POTEF: variants seen among roughly 807,000 people sequenced by gnomAD.
POTEF encodes the protein ANKRD26-like family C member 1B.
A neutral mutation model predicts 83.2 loss-of-function variants in POTEF; 20 were observed. That is an observed-to-expected ratio of 0.24 (90% CI 0.17 to 0.35). The LOEUF is 0.35. Ranked by LOEUF, POTEF falls within the 10% of genes least tolerant of loss-of-function variation. POTEF has a pLI of 1.00. For synonymous variants in POTEF, 196 were observed against 446.4 expected (o/e 0.44, Z 7.07); for missense variants, 550 against 1,203.2 (o/e 0.46, Z 8.03).
In POTEF at chr2:130,108,290, C is replaced by T. The variant is rs540168043; in HGVS notation, c.1056-211G>A. Among the ~76,000 whole-genome samples, 49 of 151,184 alleles carry T rather than the reference C, an allele frequency of 3.2e-4. No individual in the cohort carries two copies. The South Asian group carries it at 3.7e-3, about 12-fold the overall frequency. On this transcript the variant is annotated intron_variant, in intron 7 of 16. Transcript: ENST00000409914. The stretch of plus-strand genomic sequence containing the variant: ...AATGTAAGGTGAAATAGTCATAAAT[C>T]GAGGGCACTGTGACCCAGTAAATTA...
chr2:130,112,086 G>A lies in POTEF; in HGVS notation c.826C>T (p.Leu276=). 11 of 1,494,000 alleles carry A rather than the reference G, an allele frequency of 7.4e-6. No homozygotes were observed. Among genetic ancestry groups the A allele is most frequent in the Non-Finnish European group, 9.8e-6 (11 of 1,124,898 alleles). The allele number at this position is 1,494,000 out of a possible 1,614,324, so 92.5% of individuals were successfully genotyped here. The change falls in exon 6 of 17, where the codon CTG becomes TTG. Residue 276 remains leucine, a synonymous_variant. Transcript: ENST00000409914. ...TTTTGCTCATGTACACCAAGTAACA[G>A]TGGTGTGAGGCCATGCTGTAAAACA... ...ESKNKHGLTP[L]LLGVHEQKQQ...
Position 130,120,258 on chromosome 2 carries a change from G to C in POTEF, c.258C>G (p.His86Gln), listed in dbSNP as rs575065105. 1 of 1,595,294 alleles carries C rather than the reference G, an allele frequency of 6.3e-7. No individual in the cohort carries two copies. Among genetic ancestry groups the C allele is most frequent in the Admixed American group, 1.8e-5 (1 of 55,962 alleles). ...GKSNVGASGD[H>Q]DDSAMKTLRN... ...TGAGTGTCTTCATAGCAGAGTCGTC[G>C]TGGTCTCCAGAAGCGCCCACGTTGC... Residue 86 changes from histidine to glutamine, a missense_variant, in exon 3 of 17, where the codon CAC becomes CAG. By Grantham distance (24) the His-to-Gln change is conservative. Coordinates refer to ENST00000409914, the MANE Select transcript of POTEF (RefSeq NM_001099771.2).
At chr2:130,104,049 A>C (rs1346972624) in intron 8 of POTEF, among the ~76,000 whole-genome samples, 1 of 148,238 alleles carries the variant, frequency 6.7e-6, no homozygotes, top group Non-Finnish European at 1.5e-5. Flanking sequence ...ATCACTTTAA[A>C]TGCCAAAACC....
chr2:130,127,353 CCACA>C (rs1268256719), intron 2 of POTEF, among the ~76,000 whole-genome samples: 5 of 88,528 alleles, frequency 5.6e-5, no homozygotes, highest in South Asian at 6.8e-4. Flanking sequence ...AAAAAAAAAG[CCACA>C]CACACACACA....
intron 3 of POTEF, among the ~76,000 whole-genome samples, chr2:130,118,592 T>C (rs868310529): frequency 8.7e-5 from 13 of 149,244 alleles, no homozygotes; most frequent in Middle Eastern, 3.4e-3. Context: ...AGCTACTCAG[T>C]AGGCTGAAGC....
At chr2:130,108,784 G>A (rs1248291385) in intron 7 of POTEF, among the ~76,000 whole-genome samples, 9 of 147,892 alleles carry the variant, frequency 6.1e-5, no homozygotes, top group African/African-American at 2.0e-4. Context: ...CCACTATTAC[G>A]GAGTTGATCA....
At chr2:130,109,888 A>G (rs1684660423) in intron 7 of POTEF, 1 of 151,656 alleles carries the variant, frequency 6.6e-6, no homozygotes, top group Non-Finnish European at 1.5e-5. Context: ...TGCTCTGGGA[A>G]CAATGGCTGA....
At chr2:130,117,706 T>C (rs559729674) in intron 3 of POTEF, among the ~76,000 whole-genome samples, 2 of 152,022 alleles carry the variant, frequency 1.3e-5, no homozygotes, top group African/African-American at 2.4e-5. Flanking sequence ...TGGGTTCTTC[T>C]AAATACACTG....
In POTEF at chr2:130,103,472, G is replaced by A. The variant is rs533626847; in HGVS notation, c.1127-1292C>T. ...TGCATGTCTTTCCCCAGATAAACAG[G>A]TACCTCCTTCCTTGAGGCTGCCTTA... On this transcript the variant is annotated intron_variant, in intron 8 of 16. Coordinates refer to ENST00000409914, the MANE Select transcript of POTEF (RefSeq NM_001099771.2). Among the ~76,000 whole-genome samples the A allele has an allele frequency of 3.3e-3, 476 of 145,512 alleles. 20 individuals carry two copies. The highest frequency in any genetic ancestry group is 0.012 in the African/African-American group (446 of 37,974).
intron 12 of POTEF, among the ~76,000 whole-genome samples, chr2:130,093,074 G>A (rs1160152526): frequency 6.9e-6 from 1 of 144,884 alleles, no homozygotes; most frequent in East Asian, 2.0e-4. Flanking sequence ...ACTCATAGGA[G>A]CATGAACCCT....
At chr2:130,094,952 T>G (rs1461854523) in intron 11 of POTEF, among the ~76,000 whole-genome samples, 2 of 150,466 alleles carry the variant, frequency 1.3e-5, no homozygotes, top group African/African-American at 4.9e-5. Context: ...TGTAGCTTAT[T>G]ACAAAGAGCC....
At chr2:130,114,715 G>C (rs1684797473) in intron 5 of POTEF, among the ~76,000 whole-genome samples, 166 bp downstream of exon 5, 1 of 151,208 alleles carries the variant, frequency 6.6e-6, no homozygotes, top group African/African-American at 2.4e-5. Context: ...ATGCTTCTTT[G>C]AAAGTAACAA....
chr2:130,087,687 G>A (rs1184998293), intron 13 of POTEF, among the ~76,000 whole-genome samples: 31 of 88,874 alleles, frequency 3.5e-4, no homozygotes, highest in African/African-American at 1.5e-3. Flanking sequence ...AGGCTGGAGT[G>A]TAGTGGTGGA....
At chr2:130,112,171 CTT>C in intron 5 of POTEF, 70 bp from the exon 6 acceptor site, 1 of 1,262,452 alleles carries the variant, frequency 7.9e-7, no homozygotes, top group East Asian at 2.5e-5. Flanking sequence ...GAAGTGGAAA[CTT>C]TATATAAGAT....
At chr2:130,122,014 AATTTGCCTATTCTGGAAGG>A (rs1324387318) in intron 2 of POTEF, among the ~76,000 whole-genome samples, 1 of 151,824 alleles carries the variant, frequency 6.6e-6, no homozygotes, top group Non-Finnish European at 1.5e-5. Context: ...ATTACCTAAG[AATTTGCCTATTCTGGAAGG>A]ATTTGCCTAT....
chr2:130,120,477 A>G lies in POTEF; in HGVS notation c.39T>C (p.Ser13=). ...VEVDSMPAAS[S]VKKPFGLRSK... The stretch of plus-strand genomic sequence containing the variant: ...TCCTGAGACCAAATGGCTTCTTCAC[A>G]GAAGAGGCAGCCGGCATGGAATCAA... The change falls in exon 3 of 17, where the codon TCT becomes TCC. Residue 13 remains serine, a synonymous_variant. Transcript: ENST00000409914. The G allele has an allele frequency of 6.2e-7, 1 of 1,613,554 alleles. No homozygotes were observed. The highest frequency in any genetic ancestry group is 8.5e-7 in the Non-Finnish European group (1 of 1,179,860).
intron 3 of POTEF, among the ~76,000 whole-genome samples, chr2:130,119,203 G>T (rs1208252294): frequency 1.4e-4 from 21 of 144,962 alleles, no homozygotes; most frequent in Non-Finnish European, 2.4e-4. Context: ...TCGCTCTGTT[G>T]CCCAGGCTGG....
intron 1 of POTEF, among the ~76,000 whole-genome samples, chr2:130,128,377 G>A (rs1684012960): frequency 1.3e-5 from 2 of 151,882 alleles, no homozygotes; most frequent in African/African-American, 4.8e-5. Context: ...GTCACCCGAA[G>A]GAGCAAGGAG....
intron 16 of POTEF, among the ~76,000 whole-genome samples, chr2:130,076,503 G>C (rs1683809637): frequency 6.7e-6 from 1 of 149,254 alleles, no homozygotes; most frequent in Non-Finnish European, 1.5e-5. Flanking sequence ...TGGTGAAATA[G>C]GGGAAATATA....
Sources: allele counts gnomAD v4.1 joint callset (sites outside exome capture counted in the v4.1 genomes callset), GRCh38; gene constraint gnomAD v4.1.1; transcripts MANE v1.5; gene names NCBI Gene and HGNC (gene_info 2026-07-23, HGNC 2026-07-21).